Variants in KDM8 observed in about 807,000 individuals in gnomAD.
The protein encoded by KDM8 is lysine demethylase 8.
In KDM8, 35 loss-of-function variants were observed where a neutral mutation model predicts 46.9. That is an observed-to-expected ratio of 0.75 (90% confidence interval 0.57 to 0.99). The LOEUF (loss-of-function observed/expected upper bound fraction) is 0.99. Among genes scored for constraint, KDM8 ranks in the 50% least tolerant of loss-of-function variants. The pLI is 0.00. For synonymous variants in KDM8, 232 were observed against 227.7 expected (o/e 1.02, Z -0.17); for missense variants, 475 against 537.0 (o/e 0.88, Z 1.14).
At chr16:27,206,375 C>G (rs1247003280) in intron 1 of KDM8, 1 of 180,512 alleles carries the variant, frequency 5.5e-6, no homozygotes, top group Non-Finnish European at 1.1e-5. Flanking sequence ...CAGGTTCAAG[C>G]AATTCTCCTA....
chr16:27,206,413 T>C (rs1475832465), intron 1 of KDM8, among the ~76,000 whole-genome samples: 5 of 152,070 alleles, frequency 3.3e-5, no homozygotes, highest in Non-Finnish European at 7.4e-5. Context: ...GCTGGGATTA[T>C]AGGCGTGGAC....
At chr16:27,205,826 ACT>A (rs2083423102) in intron 1 of KDM8, among the ~76,000 whole-genome samples, 1 of 152,058 alleles carries the variant, frequency 6.6e-6, no homozygotes. Flanking sequence ...TGACAGAAAG[ACT>A]CTGTCTCAAA....
Position 27,210,534 on chromosome 16 carries a change from C to T in KDM8, c.411C>T (p.Ile137=). 6.5e-7 allele frequency: 1 copy of T among 1,541,012 alleles called. No individual in the cohort carries two copies. The highest frequency in any genetic ancestry group is 8.8e-7 in the Non-Finnish European group (1 of 1,142,560). ...LLMGAAILGD[I]LLKVAAILQT... ...TGGGGGCAGCCATCCTGGGGGACATCCTTCTTAAAGTCGCTGCCATCCTCC... is the reference window on the plus strand; with the variant it reads ...TGGGGGCAGCCATCCTGGGGGACATTCTTCTTAAAGTCGCTGCCATCCTCC... The change falls in exon 2 of 8, where the codon ATC becomes ATT. Residue 137 remains isoleucine (I), a synonymous_variant. Transcript: ENST00000286096.
chr16:27,215,083 A>C, intron 4 of KDM8, 75 bp downstream of exon 4: 15 of 1,518,500 alleles, frequency 9.9e-6, no homozygotes, highest in Non-Finnish European at 1.3e-5. Context: ...ATAACCCCCC[A>C]TGTGTTGTAA....
intron 2 of KDM8, among the ~76,000 whole-genome samples, chr16:27,212,033 CAAAT>C (rs1462227526): frequency 2.0e-5 from 3 of 151,960 alleles, no homozygotes; most frequent in African/African-American, 7.3e-5. Context: ...AAAAGAAAAT[CAAAT>C]AAAGGGAGAA....
chr16:27,204,363 A>G (rs1344145702), intron 1 of KDM8: 1 of 1,337,244 alleles, frequency 7.5e-7, no homozygotes, highest in Non-Finnish European at 9.5e-7. Context: ...GGACGACCCA[A>G]ACACAAGACT....
chr16:27,206,565 G>A (rs530117648), intron 1 of KDM8, among the ~76,000 whole-genome samples: 6 of 152,310 alleles, frequency 3.9e-5, no homozygotes, highest in African/African-American at 9.6e-5. Context: ...AGCGATGCAC[G>A]TGGCCTTAAT....
chr16:27,204,003 C>A, intron 1 of KDM8: 1 of 1,103,970 alleles, frequency 9.1e-7, no homozygotes, highest in Non-Finnish European at 1.3e-6. Context: ...TTATACTCTG[C>A]TATATGTGTG....
At chr16:27,213,855 A>G (rs1228515792) in intron 3 of KDM8, 104 bp downstream of exon 3, 4 of 1,137,086 alleles carry the variant, frequency 3.5e-6, no homozygotes, top group Non-Finnish European at 5.0e-6. Flanking sequence ...AACCTTGTAG[A>G]TGCTTCACTA....
chr16:27,213,566 C>T lies in KDM8; in HGVS notation c.499-19C>T. 1 of 1,611,796 alleles carries T rather than the reference C, an allele frequency of 6.2e-7. No homozygotes were observed. Among genetic ancestry groups the T allele is most frequent in the Non-Finnish European group, 8.5e-7 (1 of 1,178,396 alleles). On this transcript the variant is annotated intron_variant, in intron 2 of 7. Coordinates refer to ENST00000286096, the MANE Select transcript of KDM8 (RefSeq NM_024773.3). The stretch of plus-strand genomic sequence containing the variant: ...TTCCTGAGGTGGTTGCTATTTTGTT[C>T]TGTTTTGATTTTAAACAGAAAGCAA...
intron 5 of KDM8, among the ~76,000 whole-genome samples, chr16:27,217,977 C>T (rs2083573490): frequency 6.6e-6 from 1 of 151,960 alleles, no homozygotes. Flanking sequence ...AGGAAGTGGA[C>T]TTAGAGTGAG....
Position 27,210,391 on chromosome 16 carries a change from G to C in KDM8, c.268G>C (p.Asp90His), listed in dbSNP as rs756974942. ...NTGTWQDVDK[D>H]WRRVYAIGCL... Reference sequence around the variant, plus strand: ...GGGCACATGGCAGGACGTAGACAAAGACTGGCGCCGGGTCTACGCCATCGG... The same window carrying C: ...GGGCACATGGCAGGACGTAGACAAACACTGGCGCCGGGTCTACGCCATCGG... Residue 90 changes from aspartate (D) to histidine (H), a missense_variant, in exon 2 of 8, where the codon GAC becomes CAC. Coordinates refer to ENST00000286096, the MANE Select transcript of KDM8 (RefSeq NM_024773.3). The C allele has an allele frequency of 1.2e-6, 2 of 1,612,886 alleles. No individual in the cohort carries two copies. The highest frequency in any genetic ancestry group is 1.7e-6 in the Non-Finnish European group (2 of 1,179,538).
In KDM8 at chr16:27,221,208, C is replaced by T. The variant is rs573930232; in HGVS notation, c.*478C>T. On this transcript the variant is annotated 3_prime_UTR_variant, in exon 8 of 8. Coordinates refer to ENST00000286096, the MANE Select transcript of KDM8 (RefSeq NM_024773.3). ...TCCTCACTGCCGAGGGCCGAGAAGG[C>T]GGTGCCGAGCCCCTGCTGCTGCATG... The T allele has an allele frequency of 3.5e-6, 1 of 288,422 alleles. No homozygotes were observed. The highest frequency in any genetic ancestry group is 3.3e-5 in the South Asian group (1 of 29,950). The allele number at this position is 288,422 out of a possible 1,614,324, so 17.9% of individuals were successfully genotyped here.
At chr16:27,214,469 G>A (rs1231145167) in intron 3 of KDM8, 3 of 178,906 alleles carry the variant, frequency 1.7e-5, no homozygotes, top group Non-Finnish European at 3.6e-5. Flanking sequence ...CCCCTGGCCT[G>A]TAACTGATGA....
In KDM8 at chr16:27,204,348, C is replaced by T. The variant is rs368682741; in HGVS notation, c.-32+712C>T. The T allele has an allele frequency of 1.5e-5, 20 of 1,350,464 alleles. No homozygotes were observed. In the African/African-American group the frequency reaches 2.9e-4, roughly 20 times the overall value. 83.7% of individuals were successfully genotyped at this position (1,350,464 alleles called of 1,614,324 possible). A position where few individuals can be genotyped will look rare whatever the true frequency, so the allele number is the denominator to read the frequency against. On this transcript the variant is annotated intron_variant, in intron 1 of 7. Transcript: ENST00000286096. The stretch of plus-strand genomic sequence containing the variant: ...ACAGGAGGTGCGCAGGCGTTGGGGC[C>T]ACACGGACGACCCAAACACAAGACT...
chr16:27,209,695 C>T (rs1329182834), intron 1 of KDM8, among the ~76,000 whole-genome samples: 1 of 152,162 alleles, frequency 6.6e-6, no homozygotes, highest in Non-Finnish European at 1.5e-5. Context: ...TACATCCTGA[C>T]GAGTACTGTA....
In KDM8 at chr16:27,220,784, A is replaced by G; in HGVS notation, c.*54A>G. On this transcript the variant is annotated 3_prime_UTR_variant, in exon 8 of 8. Coordinates refer to ENST00000286096, the MANE Select transcript of KDM8 (RefSeq NM_024773.3). ...TGCAGACAGCATTCATCTGTTCACT[A>G]ATTTCCTGGGTCCTGGAATCTATAG... 1 of 1,593,288 alleles carries G rather than the reference A, an allele frequency of 6.3e-7. No homozygotes were observed. Among genetic ancestry groups the G allele is most frequent in the Non-Finnish European group, 8.6e-7 (1 of 1,161,204 alleles).
In KDM8 at chr16:27,220,629, T is replaced by C. The variant is rs2083610977; in HGVS notation, c.1150T>C (p.Cys384Arg). The change falls in exon 8 of 8, where the codon TGC becomes CGC. Residue 384 changes from cysteine (C) to arginine (R), a missense_variant. By Grantham distance (180) the Cys-to-Arg change is radical (BLOSUM62 -3). Transcript: ENST00000286096. ...PKFAKAPFLS[C>R]ILSPGEILFI... is the part of the protein sequence containing the mutation. ...GTTTGCCAAGGCCCCATTCCTGTCC[T>C]GCATCCTGTCTCCTGGAGAGATCCT... The C allele has an allele frequency of 6.2e-7, 1 of 1,614,172 alleles. No homozygotes were observed. Among genetic ancestry groups the C allele is most frequent in the Non-Finnish European group, 8.5e-7 (1 of 1,180,022 alleles).
At chr16:27,207,377 C>T (rs113832260) in intron 1 of KDM8, among the ~76,000 whole-genome samples, 5,342 of 152,290 alleles carry the variant, frequency 0.035, 341 homozygotes, top group African/African-American at 0.12. Flanking sequence ...TCACTGCACT[C>T]CAGACTGGGT....
Sources: allele counts gnomAD v4.1 joint callset (sites outside exome capture counted in the v4.1 genomes callset), GRCh38; gene constraint gnomAD v4.1.1; transcripts MANE v1.5; gene names NCBI Gene and HGNC (gene_info 2026-07-23, HGNC 2026-07-21).